The following HERC1 variants were observed in gnomAD, a reference collection of about 807,000 sequenced individuals.
HERC1 encodes the protein HECT and RLD domain containing E3 ubiquitin protein ligase family member 1.
Under a neutral mutation model 554.3 loss-of-function variants are expected in HERC1, and 160 were observed. The observed-to-expected ratio is 0.29, with a 90% CI of 0.25 to 0.33. HERC1 has a LOEUF of 0.33. Among genes scored for constraint, HERC1 ranks in the 10% least tolerant of loss-of-function variants. The pLI is 1.00. For missense variants in HERC1, 4,919 were observed against 5,918.5 expected (o/e 0.83, Z 5.54); for synonymous variants, 2,175 against 2,131.7 (o/e 1.02, Z -0.56).
In HERC1 at chr15:63,723,388, A is replaced by AACG. The variant is rs2073902333; in HGVS notation, c.3569-34_3569-33insCGT. 2.1e-6 allele frequency: 3 copies of AACG among 1,432,390 alleles called. No individual in the cohort carries two copies. In the East Asian group the frequency reaches 7.3e-5, roughly 35 times the overall value. The allele number at this position is 1,432,390 out of a possible 1,614,324, so 88.7% of individuals were successfully genotyped here. ...AAATACTCACGTTACCAATTTTAACATCATAAATTTTGGTGCTACAGATAA... is the reference window on the plus strand; with the variant it reads ...AAATACTCACGTTACCAATTTTAACAACGTCATAAATTTTGGTGCTACAGATAA... On this transcript the variant is annotated intron_variant, in intron 18 of 77. Coordinates refer to ENST00000443617, the MANE Select transcript of HERC1 (RefSeq NM_003922.4).
chr15:63,652,852 G>A (rs1277949352), intron 51 of HERC1, among the ~76,000 whole-genome samples: 1 of 152,134 alleles, frequency 6.6e-6, no homozygotes, highest in Non-Finnish European at 1.5e-5. Flanking sequence ...GTTTCGCCAT[G>A]ATGGCCAGGC....
intron 1 of HERC1, among the ~76,000 whole-genome samples, chr15:63,805,892 A>G (rs530870592): frequency 6.6e-6 from 1 of 151,750 alleles, no homozygotes; most frequent in East Asian, 2.0e-4. Flanking sequence ...GCAGCAAGCC[A>G]TGATCATGCC....
chr15:63,670,592 A>G (rs995663434), intron 39 of HERC1, among the ~76,000 whole-genome samples: 5 of 152,176 alleles, frequency 3.3e-5, no homozygotes, highest in African/African-American at 1.2e-4. Context: ...AGAAATGAGG[A>G]GTCATAAGTC....
intron 1 of HERC1, among the ~76,000 whole-genome samples, chr15:63,806,212 C>A (rs1032731254): frequency 2.6e-5 from 4 of 151,254 alleles, no homozygotes; most frequent in Non-Finnish European, 5.9e-5. Flanking sequence ...GTTGCCCAGG[C>A]TAGAGTGCAG....
chr15:63,611,406 C>A (rs905237309), intron 77 of HERC1, among the ~76,000 whole-genome samples: 2 of 152,186 alleles, frequency 1.3e-5, no homozygotes, highest in Non-Finnish European at 2.9e-5. Context: ...AGACTCTAAG[C>A]CCTCTTATTC....
At chr15:63,732,353 T>G (rs549773404) in intron 14 of HERC1, among the ~76,000 whole-genome samples, 2 of 152,258 alleles carry the variant, frequency 1.3e-5, no homozygotes, top group Admixed American at 6.5e-5. Flanking sequence ...TATAAAGAAG[T>G]TATTTAATAC....
rs753441944 is a variant in HERC1 at position 63,718,599 on chromosome 15, G to C, written c.3953C>G (p.Thr1318Arg). Reference sequence around the variant, plus strand: ...CCATCTGTCCCGTGATGATGACCTTGTTTGAATAAGTTCAAGGTTCTTGCA... The same window carrying C: ...CCATCTGTCCCGTGATGATGACCTTCTTTGAATAAGTTCAAGGTTCTTGCA... ...LACKNLELIQTRSSSRDRWIS... is the reference protein window; with the variant it reads ...LACKNLELIQRRSSSRDRWIS... The change falls in exon 21 of 78, where the codon ACA becomes AGA. Residue 1318 changes from threonine (T) to arginine (R), a missense_variant. This residue lies in a region of HERC1 where 1,121 missense variants were observed against 1,244.0 expected (regional missense o/e 0.90). Coordinates refer to ENST00000443617, the MANE Select transcript of HERC1 (RefSeq NM_003922.4). This position sits in a 1 kb window ranked among gnomAD's most constrained non-coding sequence, Gnocchi z 4.2. The C allele has an allele frequency of 3.8e-6, 6 of 1,584,492 alleles. No homozygotes were observed. In the Middle Eastern group the frequency reaches 6.6e-4, roughly 175 times the overall value.
chr15:63,776,783 CA>C lies in HERC1; in HGVS notation c.-26-1135del, dbSNP rs541324775. Among the ~76,000 whole-genome samples, 121 of 152,206 alleles carry C rather than the reference CA, an allele frequency of 7.9e-4. 2 individuals are homozygous for C. In the South Asian group the frequency reaches 0.023, roughly 29 times the overall value. ...GAGTTTGAGACCCGCCTGGACAACA[CA>C]GTGAGATCTCGTCTCTACATAAGAA... On this transcript the variant is annotated intron_variant, in intron 1 of 77. Transcript: ENST00000443617.
intron 66 of HERC1, among the ~76,000 whole-genome samples, chr15:63,634,360 T>C (rs1412140496): frequency 6.6e-6 from 1 of 152,214 alleles, no homozygotes; most frequent in East Asian, 1.9e-4. Context: ...AATTACTACT[T>C]AGGAGCAGTA....
At chr15:63,832,296 C>A (rs759805106) in intron 1 of HERC1, among the ~76,000 whole-genome samples, 2 of 151,892 alleles carry the variant, frequency 1.3e-5, no homozygotes, top group East Asian at 3.8e-4. Context: ...TGTCTCTATA[C>A]ATATATACGT....
chr15:63,653,800 T>C (rs542134390), intron 51 of HERC1, among the ~76,000 whole-genome samples: 9 of 152,330 alleles, frequency 5.9e-5, no homozygotes, highest in African/African-American at 1.9e-4. Context: ...TGGTAGTTGG[T>C]TGAATCAATG....
intron 33 of HERC1, among the ~76,000 whole-genome samples, chr15:63,688,739 G>C (rs940871482): frequency 6.6e-6 from 1 of 152,194 alleles, no homozygotes; most frequent in Non-Finnish European, 1.5e-5. Flanking sequence ...GGTAAATGAA[G>C]AGATGGATTC....
At chr15:63,792,777 G>A (rs991668938) in intron 1 of HERC1, among the ~76,000 whole-genome samples, 37 of 152,246 alleles carry the variant, frequency 2.4e-4, no homozygotes, top group Non-Finnish European at 4.9e-4. Context: ...AGTCAATTCA[G>A]TTATGACACT....
At chr15:63,632,456 C>T (rs1051142928) in intron 68 of HERC1, 12 of 516,690 alleles carry the variant, frequency 2.3e-5, no homozygotes, top group Admixed American at 9.6e-5. Flanking sequence ...GAAGAGGGGA[C>T]GGCCCTTGGC....
At chr15:63,625,118 AC>A (rs1449962177) in intron 71 of HERC1, among the ~76,000 whole-genome samples, 9 of 152,190 alleles carry the variant, frequency 5.9e-5, no homozygotes, top group Non-Finnish European at 1.2e-4. Context: ...GTCAAATCTC[AC>A]GCATGCACAC....
At chr15:63,792,346 C>G (rs1324392217) in intron 1 of HERC1, among the ~76,000 whole-genome samples, 2 of 152,174 alleles carry the variant, frequency 1.3e-5, no homozygotes, top group East Asian at 3.8e-4. Context: ...ATGTTCAACA[C>G]ACAAAATTGG....
intron 64 of HERC1, among the ~76,000 whole-genome samples, chr15:63,636,580 T>C (rs1303903034): frequency 1.3e-5 from 2 of 152,168 alleles, no homozygotes; most frequent in East Asian, 1.9e-4. Context: ...CTAATTTCTT[T>C]AGTTTTAAAT....
chr15:63,760,843 T>C (rs749348319), intron 3 of HERC1, among the ~76,000 whole-genome samples: 1 of 152,088 alleles, frequency 6.6e-6, no homozygotes, highest in Non-Finnish European at 1.5e-5. Flanking sequence ...TCTCTAAGAA[T>C]ATCAACCCAG....
At chr15:63,701,497 T>C (rs1002114168) in intron 25 of HERC1, among the ~76,000 whole-genome samples, 24 of 152,302 alleles carry the variant, frequency 1.6e-4, no homozygotes, top group African/African-American at 5.3e-4. Context: ...TTGCAGACCA[T>C]AAGGTCTCTG....
Sources: gnomAD v4.1 joint callset for allele counts (sites outside exome capture counted in the v4.1 genomes callset) on GRCh38, gnomAD v4.1.1 for gene constraint, gnomAD v4.1.1 regional missense constraint, Gnocchi (gnomAD v3.1) non-coding constraint, MANE v1.5 for transcripts, NCBI Gene and HGNC (gene_info 2026-07-23, HGNC 2026-07-21) for gene names.